C8orf88: variants seen among roughly 807,000 people sequenced by gnomAD.
C8orf88 encodes the protein chromosome 8 open reading frame 88.
A neutral mutation model predicts 18.4 loss-of-function variants in C8orf88; 14 were observed. The ratio of observed to expected loss-of-function variants is 0.76; its 90% CI spans 0.50 to 1.19. The LOEUF (loss-of-function observed/expected upper bound fraction) is 1.19. C8orf88 is among the 50% of genes most tolerant of loss of function. The probability of loss-of-function intolerance (pLI) is 0.00; values close to 1 mark genes in which losing one functional copy is unlikely to be tolerated. For missense variants in C8orf88, 116 were observed against 134.7 expected (o/e 0.86, Z 0.69); for synonymous variants, 45 against 42.9 (o/e 1.05, Z -0.19).
intron 1 of C8orf88, among the ~76,000 whole-genome samples, chr8:90,984,507 A>G (rs1326656978): frequency 6.6e-6 from 1 of 152,172 alleles, no homozygotes; most frequent in African/African-American, 2.4e-5. Context: ...AAATATCAAA[A>G]AACTAGAAGC....
At chr8:90,975,987 C>T (rs1052298493) in intron 3 of C8orf88, among the ~76,000 whole-genome samples, 5 of 149,378 alleles carry the variant, frequency 3.3e-5, no homozygotes, top group African/African-American at 9.9e-5. Flanking sequence ...ATAAACATAA[C>T]GCTGAGCAAA....
intron 2 of C8orf88, among the ~76,000 whole-genome samples, chr8:90,979,452 G>C (rs1408694825): frequency 6.6e-6 from 1 of 152,178 alleles, no homozygotes; most frequent in African/African-American, 2.4e-5. Flanking sequence ...GGTCCCAGAA[G>C]ATCCATTAAT....
At chr8:90,978,231 C>T (rs975588675) in intron 3 of C8orf88, among the ~76,000 whole-genome samples, 5 of 151,782 alleles carry the variant, frequency 3.3e-5, no homozygotes, top group Admixed American at 6.6e-5. Context: ...ACAAATAAAA[C>T]AATTATATTT....
At chr8:90,973,304 G>T (rs1397704930) in intron 3 of C8orf88, among the ~76,000 whole-genome samples, 1 of 152,058 alleles carries the variant, frequency 6.6e-6, no homozygotes, top group African/African-American at 2.4e-5. Context: ...AATGTTTATG[G>T]AATAAAGGAA....
At chr8:90,974,167 G>A (rs1025680287) in intron 3 of C8orf88, among the ~76,000 whole-genome samples, 9 of 152,118 alleles carry the variant, frequency 5.9e-5, no homozygotes, top group African/African-American at 1.9e-4. Flanking sequence ...GGTACACTCT[G>A]TATCTCCTTC....
chr8:90,959,162 A>C (rs1811088919), intron 5 of C8orf88, 132 bp from the exon 6 acceptor site: 1 of 479,942 alleles, frequency 2.1e-6, no homozygotes, highest in African/African-American at 2.0e-5. Flanking sequence ...AGAAACTATT[A>C]AAGTAACTAG....
intron 4 of C8orf88, among the ~76,000 whole-genome samples, chr8:90,968,222 C>T (rs1442955892): frequency 6.6e-6 from 1 of 151,584 alleles, no homozygotes; most frequent in Non-Finnish European, 1.5e-5. Flanking sequence ...TAAGGGCAGG[C>T]ATATAAAACA....
intron 4 of C8orf88, among the ~76,000 whole-genome samples, chr8:90,961,600 A>G (rs946556729): frequency 2.0e-5 from 3 of 151,462 alleles, no homozygotes; most frequent in Non-Finnish European, 4.4e-5. Context: ...CCTTCAAGAA[A>G]TGCTAAAGGA....
intron 4 of C8orf88, among the ~76,000 whole-genome samples, chr8:90,967,072 AC>A (rs1281524785): frequency 6.6e-6 from 1 of 151,906 alleles, no homozygotes; most frequent in African/African-American, 2.4e-5. Context: ...TATGGCTAGA[AC>A]TTTCAACATA....
chr8:90,972,001 A>G (rs188942769), intron 3 of C8orf88, among the ~76,000 whole-genome samples: 5 of 152,206 alleles, frequency 3.3e-5, no homozygotes, highest in South Asian at 2.1e-4. Flanking sequence ...CTGAGAGATT[A>G]TCTCCTCTTG....
chr8:90,973,362 G>A (rs1400608220), intron 3 of C8orf88, among the ~76,000 whole-genome samples: 1 of 152,164 alleles, frequency 6.6e-6, no homozygotes, highest in East Asian at 1.9e-4. Flanking sequence ...TTCAGGAAAT[G>A]TAAAAGGTTA....
intron 3 of C8orf88, among the ~76,000 whole-genome samples, chr8:90,978,272 A>G (rs1331730403): frequency 6.6e-6 from 1 of 152,220 alleles, no homozygotes; most frequent in Non-Finnish European, 1.5e-5. Flanking sequence ...ATATTCATGG[A>G]AAAAATAAAT....
At chr8:90,967,307 T>C (rs1460927269) in intron 4 of C8orf88, among the ~76,000 whole-genome samples, 1 of 151,904 alleles carries the variant, frequency 6.6e-6, no homozygotes, top group African/African-American at 2.4e-5. Flanking sequence ...ATGTTGATAA[T>C]AAAAAGTTGT....
At chr8:90,985,327 G>A (rs1811493268), upstream of C8orf88, 2 of 151,262 alleles carry the variant, frequency 1.3e-5, no homozygotes, top group African/African-American at 4.8e-5. Flanking sequence ...GCCCAGGGCG[G>A]GCGCGGGGCG....
At chr8:90,970,679 A>C (rs1365954908) in intron 4 of C8orf88, among the ~76,000 whole-genome samples, 1 of 151,996 alleles carries the variant, frequency 6.6e-6, no homozygotes, top group African/African-American at 2.4e-5. Context: ...CCTCCTTCCT[A>C]ATGGCTACAC....
chr8:90,979,204 C>T (rs1811396328), intron 2 of C8orf88, among the ~76,000 whole-genome samples: 1 of 152,172 alleles, frequency 6.6e-6, no homozygotes, highest in Non-Finnish European at 1.5e-5. Context: ...GGGCTACCTG[C>T]CCACCTTGCA....
At chr8:90,966,533 C>A (rs1811201971) in intron 4 of C8orf88, among the ~76,000 whole-genome samples, 1 of 145,664 alleles carries the variant, frequency 6.9e-6, no homozygotes. Flanking sequence ...AAGAATTCAC[C>A]AACCAAGTCT....
chr8:90,971,192 T>C (rs1811278541), intron 3 of C8orf88, 51 bp from the exon 4 acceptor site: 2 of 1,096,802 alleles, frequency 1.8e-6, no homozygotes, highest in Middle Eastern at 4.8e-4. Flanking sequence ...TAAAATTTTA[T>C]ATAATTAGTT....
chr8:90,973,393 T>C (rs1001843819), intron 3 of C8orf88, among the ~76,000 whole-genome samples: 5 of 152,204 alleles, frequency 3.3e-5, no homozygotes, highest in Non-Finnish European at 5.9e-5. Flanking sequence ...TAAAGCAGGA[T>C]AAGCATCAAG....
Sources: allele counts gnomAD v4.1 joint callset (sites outside exome capture counted in the v4.1 genomes callset), GRCh38; gene constraint gnomAD v4.1.1; transcripts MANE v1.5; gene names NCBI Gene and HGNC (gene_info 2026-07-23, HGNC 2026-07-21).